DIPK1A: variants seen among roughly 807,000 people sequenced by gnomAD.
DIPK1A encodes the protein family with sequence similarity 69 member A.
DIPK1A carries 27 observed loss-of-function variants against 40.8 expected under a neutral mutation model. The ratio of observed to expected loss-of-function variants is 0.66; its 90% CI spans 0.49 to 0.91. The LOEUF (loss-of-function observed/expected upper bound fraction) is 0.91, where lower values mean the gene tolerates loss of function less well. DIPK1A is among the 40% of genes least tolerant of loss of function. The probability of loss-of-function intolerance (pLI) is 0.00; values close to 1 mark genes in which losing one functional copy is unlikely to be tolerated. For synonymous variants in DIPK1A, 166 were observed against 171.3 expected, an observed-to-expected ratio of 0.97 and a Z score of 0.24; for missense variants, 412 against 505.7, an observed-to-expected ratio of 0.81 and a Z score of 1.78.
intron 4 of DIPK1A, among the ~76,000 whole-genome samples, chr1:92,846,908 C>T (rs1156540591): frequency 1.4e-5 from 1 of 71,210 alleles, no homozygotes; most frequent in Non-Finnish European, 2.7e-5. Flanking sequence ...TATATATATA[C>T]GTGTATATAT....
At chr1:92,888,748 T>C (rs1473976417) in intron 1 of DIPK1A, among the ~76,000 whole-genome samples, 1 of 152,242 alleles carries the variant, frequency 6.6e-6, no homozygotes, top group Non-Finnish European at 1.5e-5. Flanking sequence ...TATCTCATTG[T>C]GGATTTTATT....
chr1:92,881,009 C>G (rs2492294), intron 1 of DIPK1A, among the ~76,000 whole-genome samples: 107,376 of 150,434 alleles, frequency 0.71, 39,087 homozygotes, highest in East Asian at 0.95. Flanking sequence ...GGCCAACACA[C>G]TGAAACCCAT....
chr1:92,856,708 C>A (rs573835369), intron 2 of DIPK1A, among the ~76,000 whole-genome samples: 2 of 152,046 alleles, frequency 1.3e-5, no homozygotes, highest in African/African-American at 4.8e-5. Flanking sequence ...TGAACCACTG[C>A]GCCAGGTCTT....
At chr1:92,884,307 G>A (rs998075039) in intron 1 of DIPK1A, among the ~76,000 whole-genome samples, 1 of 152,048 alleles carries the variant, frequency 6.6e-6, no homozygotes, top group African/African-American at 2.4e-5. Flanking sequence ...TAAAAAATTA[G>A]CTGGGTGTGA....
rs1299784276 is a variant in DIPK1A, at chr1:92,847,279, A to C, written c.378T>G (p.Thr126=). Reference sequence around the variant, plus strand: ...CTATTTCTTTTCTTGGTTCCAATTCAGTTCCAAAATCAAGATGAAGCGCTT... The same window carrying C: ...CTATTTCTTTTCTTGGTTCCAATTCCGTTCCAAAATCAAGATGAAGCGCTT... ...MEQALHLDFG[T]ELEPRKEIVL... is the part of the protein sequence containing the mutation. The change falls in exon 4 of 5, where the codon ACT becomes ACG. Residue 126 remains threonine, a synonymous_variant. Transcript: ENST00000370310. 1 of 1,612,542 alleles carries C rather than the reference A, an allele frequency of 6.2e-7. No individual in the cohort carries two copies. Among genetic ancestry groups the C allele is most frequent in the Non-Finnish European group, 8.5e-7 (1 of 1,179,046 alleles).
chr1:92,921,213 G>T (rs540206759), intron 1 of DIPK1A, among the ~76,000 whole-genome samples: 1 of 152,114 alleles, frequency 6.6e-6, no homozygotes, highest in South Asian at 2.1e-4. Flanking sequence ...TAAGAAAAGC[G>T]TGAGACACAA....
chr1:92,846,205 A>G (rs1302051148), intron 4 of DIPK1A: 1 of 154,422 alleles, frequency 6.5e-6, no homozygotes, highest in African/African-American at 2.4e-5. Flanking sequence ...TGGGATACAT[A>G]GTGATATTTC....
chr1:92,877,191 C>T (rs1241393965), intron 1 of DIPK1A: 50 of 936,776 alleles, frequency 5.3e-5, no homozygotes, highest in Non-Finnish European at 6.2e-5. Flanking sequence ...GCAACTCGGG[C>T]TGGTTGATGC....
chr1:92,841,799 G>A, downstream of DIPK1A: 1 of 1,611,740 alleles, frequency 6.2e-7, no homozygotes, highest in Non-Finnish European at 8.5e-7. Flanking sequence ...TTGCTCAGAA[G>A]AAGGATCGGG....
chr1:92,892,323 C>T (rs558254951), intron 1 of DIPK1A, among the ~76,000 whole-genome samples: 4 of 152,144 alleles, frequency 2.6e-5, no homozygotes, highest in South Asian at 2.1e-4. Context: ...TCCAGAGGAA[C>T]GATCAGGCAG....
chr1:92,860,842 T>C (rs959382213), intron 2 of DIPK1A, among the ~76,000 whole-genome samples: 1 of 152,054 alleles, frequency 6.6e-6, no homozygotes, highest in Non-Finnish European at 1.5e-5. Flanking sequence ...GCAGATTATA[T>C]GAAATGTTTC....
At chr1:92,899,828 G>A (rs1649335047) in intron 1 of DIPK1A, among the ~76,000 whole-genome samples, 2 of 152,028 alleles carry the variant, frequency 1.3e-5, no homozygotes, top group African/African-American at 2.4e-5. Flanking sequence ...GTCTAGTGGT[G>A]TTGAATTCCC....
rs2100706057 is a variant in DIPK1A at position 92,843,729 on chromosome 1, C to T, written c.941G>A (p.Arg314Lys). The T allele has an allele frequency of 6.4e-7, 1 of 1,551,744 alleles. No homozygotes were observed. Among genetic ancestry groups the T allele is most frequent in the Non-Finnish European group, 8.7e-7 (1 of 1,146,990 alleles). ...DKYDLKMVDM[R>K]KIVPETNLKE... ...CAGGTTTGTCTCTGGCACAATTTTT[C>T]TCATATCCACCATTTTCAAATCATA... Residue 314 changes from arginine (R) to lysine (K), a missense_variant, in exon 5 of 5, where the codon AGA becomes AAA. Arg to Lys is a conservative substitution (Grantham distance 26). Coordinates refer to ENST00000370310, the MANE Select transcript of DIPK1A (RefSeq NM_001006605.5).
chr1:92,924,515 A>G (rs561024452), intron 1 of DIPK1A, among the ~76,000 whole-genome samples: 6 of 152,256 alleles, frequency 3.9e-5, no homozygotes, highest in African/African-American at 9.6e-5. Flanking sequence ...ACAAAACAGT[A>G]TATTTGGAAG....
At chr1:92,849,068 G>C (rs1005218084) in intron 3 of DIPK1A, among the ~76,000 whole-genome samples, 1 of 151,896 alleles carries the variant, frequency 6.6e-6, no homozygotes, top group Non-Finnish European at 1.5e-5. Context: ...TTGTGATTTA[G>C]TTCATCCTGT....
chr1:92,942,723 G>A (rs550228353), intron 1 of DIPK1A, among the ~76,000 whole-genome samples: 20 of 152,248 alleles, frequency 1.3e-4, no homozygotes, highest in Non-Finnish European at 2.5e-4. Context: ...GCAGTGGCGC[G>A]ATCTTGGCTG....
chr1:92,914,448 G>A (rs1362397314), intron 1 of DIPK1A, among the ~76,000 whole-genome samples: 1 of 152,018 alleles, frequency 6.6e-6, no homozygotes, highest in African/African-American at 2.4e-5. Flanking sequence ...CACAGGAGGC[G>A]AGGACAGGGA....
chr1:92,862,511 C>T lies in DIPK1A; in HGVS notation c.190-11556G>A, dbSNP rs865880539. 1.1e-4 allele frequency among the ~76,000 whole-genome samples: 17 copies of T among 152,328 alleles called. No homozygotes were observed. The South Asian group carries it at 1.4e-3, about 13-fold the overall frequency. On this transcript the variant is annotated intron_variant, in intron 2 of 4. Transcript: ENST00000370310. ...GAGGCTGTTTCATCCCTTCCATTCCCATTGTCAATGCCATAGTTTAAACCC... is the reference window on the plus strand; with the variant it reads ...GAGGCTGTTTCATCCCTTCCATTCCTATTGTCAATGCCATAGTTTAAACCC...
Position 92,842,959 on chromosome 1 carries a change from C to G in DIPK1A, c.*424G>C, listed in dbSNP as rs1216592597. On this transcript the variant is annotated 3_prime_UTR_variant, in exon 5 of 5. Transcript: ENST00000370310. ...TGCAGTCTTAATTTCTGTTAATGTG[C>G]AAACTTTACCATGCTAAGACATTAG... The G allele has an allele frequency of 1.0e-6, 1 of 989,708 alleles. No homozygotes were observed. The highest frequency in any genetic ancestry group is 1.1e-4 in the East Asian group (1 of 8,922). The allele number at this position is 989,708 out of a possible 1,614,324, so 61.3% of individuals were successfully genotyped here. A position where few individuals can be genotyped will look rare whatever the true frequency, so the allele number is the denominator to read the frequency against.
Sources: gnomAD v4.1 joint callset for allele counts (sites outside exome capture counted in the v4.1 genomes callset) on GRCh38, gnomAD v4.1.1 for gene constraint, MANE v1.5 for transcripts, NCBI Gene and HGNC (gene_info 2026-07-23, HGNC 2026-07-21) for gene names.